Variants in MIPOL1 observed in about 807,000 individuals in gnomAD.
MIPOL1 encodes mirror-image polydactyly gene 1 protein.
A neutral mutation model predicts 60.9 loss-of-function variants in MIPOL1; 57 were observed. That is an observed-to-expected ratio of 0.94 (90% CI 0.76 to 1.17). MIPOL1 has a LOEUF of 1.17. Among genes scored for constraint, MIPOL1 ranks in the 50% most tolerant of loss-of-function variants. MIPOL1 has a pLI of 0.00. For synonymous variants in MIPOL1, 179 were observed against 168.8 expected (o/e 1.06, Z -0.47); for missense variants, 551 against 511.6 (o/e 1.08, Z -0.74).
chr14:37,422,115 A>G (rs938515290), intron 10 of MIPOL1, among the ~76,000 whole-genome samples: 1 of 152,108 alleles, frequency 6.6e-6, no homozygotes, highest in Non-Finnish European at 1.5e-5. Flanking sequence ...GTTGTTTGAA[A>G]TCCTATGGGA....
intron 6 of MIPOL1, among the ~76,000 whole-genome samples, chr14:37,284,037 A>C (rs576686500): frequency 2.1e-4 from 32 of 151,986 alleles, no homozygotes; most frequent in Admixed American, 1.7e-3. Flanking sequence ...TAATGTTTTA[A>C]AAATTATGTA....
intron 12 of MIPOL1, among the ~76,000 whole-genome samples, chr14:37,520,905 T>A (rs1179363891): frequency 6.7e-6 from 1 of 150,268 alleles, no homozygotes; most frequent in Non-Finnish European, 1.5e-5. Flanking sequence ...TGAGATGATA[T>A]TTGGAATTCT....
chr14:37,327,478 G>C (rs1194275266), intron 9 of MIPOL1, among the ~76,000 whole-genome samples: 1 of 152,084 alleles, frequency 6.6e-6, no homozygotes, highest in African/African-American at 2.4e-5. Flanking sequence ...TGTAGAGACA[G>C]AGTCTCCTTA....
At chr14:37,495,445 A>G (rs2095110377) in intron 11 of MIPOL1, among the ~76,000 whole-genome samples, 3 of 150,288 alleles carry the variant, frequency 2.0e-5, no homozygotes, top group Admixed American at 1.3e-4. Context: ...CCATGTCCCT[A>G]CAAAGGACAT....
chr14:37,510,721 C>CTGTTATT (rs2095321496), intron 12 of MIPOL1, among the ~76,000 whole-genome samples: 1 of 152,108 alleles, frequency 6.6e-6, no homozygotes, highest in Non-Finnish European at 1.5e-5. Flanking sequence ...TTAGTAGTTT[C>CTGTTATT]AGAGAATAAC....
intron 3 of MIPOL1, among the ~76,000 whole-genome samples, chr14:37,250,423 T>C (rs530763381): frequency 6.6e-6 from 1 of 152,146 alleles, no homozygotes; most frequent in South Asian, 2.1e-4. Flanking sequence ...TGGGCACACC[T>C]GTAATCCCAG....
chr14:37,293,611 A>G (rs929409026), intron 7 of MIPOL1, among the ~76,000 whole-genome samples: 1 of 152,144 alleles, frequency 6.6e-6, no homozygotes, highest in African/African-American at 2.4e-5. Flanking sequence ...CTCCCACCCT[A>G]ATACTACGCT....
chr14:37,530,326 T>A (rs1404130105), intron 12 of MIPOL1, among the ~76,000 whole-genome samples: 2 of 152,240 alleles, frequency 1.3e-5, no homozygotes, highest in South Asian at 4.1e-4. Flanking sequence ...TATAAACTTA[T>A]GAGAAAAAAT....
chr14:37,479,963 C>T (rs2094836629), intron 11 of MIPOL1, among the ~76,000 whole-genome samples: 1 of 151,994 alleles, frequency 6.6e-6, no homozygotes, highest in African/African-American at 2.4e-5. Context: ...TCTTAGATAA[C>T]AGAACCTACC....
intron 1 of MIPOL1, among the ~76,000 whole-genome samples, chr14:37,199,717 G>C (rs903637367): frequency 1.3e-5 from 2 of 151,978 alleles, no homozygotes; most frequent in Non-Finnish European, 2.9e-5. Context: ...TAAAGACGGG[G>C]TTTCACCTTG....
intron 12 of MIPOL1, among the ~76,000 whole-genome samples, chr14:37,511,190 A>C (rs1349582501): frequency 6.6e-6 from 1 of 152,224 alleles, no homozygotes; most frequent in Admixed American, 6.5e-5. Context: ...TAGGCATATC[A>C]TCACTTATAG....
Position 37,378,507 on chromosome 14 carries a change from G to T in MIPOL1, c.936+8883G>T, listed in dbSNP as rs368142514. Among the ~76,000 whole-genome samples the T allele has an allele frequency of 1.8e-3, 275 of 152,112 alleles. 2 individuals are homozygous for T. Among genetic ancestry groups the T allele is most frequent in the African/African-American group, 5.8e-3 (240 of 41,538 alleles). On this transcript the variant is annotated intron_variant, in intron 10 of 12. Transcript: ENST00000684589. Reference sequence around the variant, plus strand: ...AAAATCAGTGGTTGCTAGGAGTTAGGTTTGGGAACAGGCTATGACTATGGA... The same window carrying T: ...AAAATCAGTGGTTGCTAGGAGTTAGTTTTGGGAACAGGCTATGACTATGGA...
intron 3 of MIPOL1, among the ~76,000 whole-genome samples, chr14:37,252,718 A>G (rs1974309083): frequency 6.6e-6 from 1 of 151,910 alleles, no homozygotes; most frequent in Non-Finnish European, 1.5e-5. Context: ...GTCTGTCTGC[A>G]ATTCTGTAAT....
Position 37,303,352 on chromosome 14 carries a change from C to A in MIPOL1, c.624-4704C>A, listed in dbSNP as rs76591767. Among the ~76,000 whole-genome samples the A allele has an allele frequency of 1.3e-3, 205 of 151,894 alleles. 5 individuals carry two copies. In the East Asian group the frequency reaches 0.032, roughly 24 times the overall value. ...TATTAATTCATTCTTAAAACCTGAT[C>A]CTCCTCCTTAATCCCTTATTCTGAT... On this transcript the variant is annotated intron_variant, in intron 7 of 12. Coordinates refer to ENST00000684589, the MANE Select transcript of MIPOL1 (RefSeq NM_001388067.1).
chr14:37,271,525 G>A (rs1202830598), intron 6 of MIPOL1, among the ~76,000 whole-genome samples: 1 of 151,718 alleles, frequency 6.6e-6, no homozygotes, highest in Non-Finnish European at 1.5e-5. Flanking sequence ...ATATAACAAA[G>A]ATGACCATAA....
intron 3 of MIPOL1, among the ~76,000 whole-genome samples, chr14:37,258,622 AT>A (rs1284258102): frequency 6.6e-6 from 1 of 152,160 alleles, no homozygotes; most frequent in Admixed American, 6.6e-5. Context: ...TAAATTTGTG[AT>A]TTATAAGTTA....
At chr14:37,337,348 ATATATATATTTTTTT>A (rs1225162697) in intron 9 of MIPOL1, among the ~76,000 whole-genome samples, 2 of 33,652 alleles carry the variant, frequency 5.9e-5, no homozygotes, top group Non-Finnish European at 9.7e-5. Context: ...ATATATATAT[ATATATATATTTTTTT>A]TTTTTTTTTT....
chr14:37,215,430 C>G (rs555588698), intron 1 of MIPOL1, among the ~76,000 whole-genome samples: 30 of 152,114 alleles, frequency 2.0e-4, no homozygotes, highest in African/African-American at 7.0e-4. Context: ...CCCACTGACC[C>G]TCTGGGGCTG....
chr14:37,540,381 G>T (rs1392928895), intron 12 of MIPOL1, among the ~76,000 whole-genome samples: 2 of 151,984 alleles, frequency 1.3e-5, no homozygotes, highest in Admixed American at 6.6e-5. Context: ...GAGCATATTT[G>T]TGTGTGTTCA....
Sources: allele counts gnomAD v4.1 joint callset (sites outside exome capture counted in the v4.1 genomes callset), GRCh38; gene constraint gnomAD v4.1.1; transcripts MANE v1.5; gene names NCBI Gene and HGNC (gene_info 2026-07-23, HGNC 2026-07-21).